RBM4: variants seen among roughly 807,000 people sequenced by gnomAD.
RBM4 encodes RNA binding motif protein 4.
RBM4 carries 7 observed loss-of-function variants against 29.5 expected under a neutral mutation model. The ratio of observed to expected loss-of-function variants is 0.24; its 90% CI spans 0.14 to 0.45. The LOEUF (loss-of-function observed/expected upper bound fraction) is 0.45. Among genes scored for constraint, RBM4 ranks in the 20% least tolerant of loss-of-function variants. The pLI, the probability that RBM4 is intolerant of heterozygous loss-of-function variation, is 1.00. For missense variants in RBM4, 387 were observed against 502.3 expected (o/e 0.77, Z 2.19); for synonymous variants, 220 against 205.4 (o/e 1.07, Z -0.61).
At position 66,643,844 on chromosome 11, in the gene RBM4, C is replaced by A. The variant is rs763179363; in HGVS notation, c.807C>A (p.Leu269=). The A allele has an allele frequency of 1.2e-6, 2 of 1,613,940 alleles. No homozygotes were observed. The highest frequency in any genetic ancestry group is 2.2e-5 in the East Asian group (1 of 44,852). The part of the protein sequence containing the change: ...AMASHLTSTS[L]DPYDRHLLPT... ...CCAGTCACCTCACCTCCACCTCTCT[C>A]GATCCCTACGATAGACACCTGTTGC... is the stretch of plus-strand genomic sequence containing the variant. Residue 269 remains leucine (L), a synonymous_variant, in exon 3 of 4, where the codon CTC becomes CTA. Transcript: ENST00000310092. The surrounding 1 kb of genome is among the most constrained non-coding windows in gnomAD (Gnocchi z 6.1).
chr11:66,650,439 TG>T (rs945603113), downstream of RBM4, among the ~76,000 whole-genome samples: 6 of 151,964 alleles, frequency 3.9e-5, no homozygotes, highest in Non-Finnish European at 7.4e-5. Context: ...GGCATGGTGG[TG>T]GGCACCTGTA....
rs191660410 is a variant in RBM4, at chr11:66,653,448, G to A, written c.413-12408G>A. On this transcript the variant is annotated intron_variant, in intron 2 of 2. Coordinates refer to the RBM4 transcript ENST00000396053. The stretch of plus-strand genomic sequence containing the variant: ...GCGATCTCGGCTCACTGCAACCTCT[G>A]CTTCTTGGGTCCAAGCAAATCTCCT... Among the ~76,000 whole-genome samples the A allele has an allele frequency of 4.8e-3, 713 of 147,142 alleles. 5 individuals are homozygous for A. The highest frequency in any genetic ancestry group is 0.017 in the African/African-American group (667 of 39,630).
chr11:66,655,072 G>T (rs1938919544), intron 2 of RBM4, among the ~76,000 whole-genome samples: 1 of 151,532 alleles, frequency 6.6e-6, no homozygotes, highest in Non-Finnish European at 1.5e-5. Context: ...TGCAACCTCT[G>T]CCTCCTAGGT....
At chr11:66,660,351 C>CTTCTT (rs752585464) in intron 2 of RBM4, among the ~76,000 whole-genome samples, 2 of 127,572 alleles carry the variant, frequency 1.6e-5, no homozygotes, top group Non-Finnish European at 3.4e-5. Flanking sequence ...GGGAGTCTCT[C>CTTCTT]TTTTTTTTTT....
rs758165228 is a variant in RBM4 at position 66,654,911 on chromosome 11, G to A, written c.413-10945G>A. On this transcript the variant is annotated intron_variant, in intron 2 of 2. Transcript: ENST00000396053. ...GCCATTTCGGCTCACTACAACGTCC[G>A]CCTCCCAGGTTCAAGTGATTCTTCT... Among the ~76,000 whole-genome samples the A allele has an allele frequency of 8.6e-5, 13 of 151,264 alleles. No homozygotes were observed. The East Asian group carries it at 1.4e-3, about 16-fold the overall frequency.
intron 2 of RBM4, among the ~76,000 whole-genome samples, chr11:66,663,451 G>A (rs546135685): frequency 1.8e-4 from 28 of 152,134 alleles, no homozygotes; most frequent in Non-Finnish European, 7.4e-5. Context: ...TGCAACCTCT[G>A]CCTCCTTGGT....
chr11:66,644,349 T>TG, intron 3 of RBM4: 1 of 658,608 alleles, frequency 1.5e-6, no homozygotes, highest in Non-Finnish European at 2.4e-6. Flanking sequence ...TCAGGGCTTC[T>TG]GGTAGTGGGA....
At chr11:66,652,693 A>G (rs550539559) in intron 2 of RBM4, among the ~76,000 whole-genome samples, 1 of 152,274 alleles carries the variant, frequency 6.6e-6, no homozygotes, top group South Asian at 2.1e-4. Flanking sequence ...TGGCAGGTAA[A>G]TAGCACCCTT....
chr11:66,643,500 G>A lies in RBM4; in HGVS notation c.463G>A (p.Gly155Arg), dbSNP rs1938558399. The A allele has an allele frequency of 3.7e-6, 6 of 1,613,828 alleles. No individual in the cohort carries two copies. Among genetic ancestry groups the A allele is most frequent in the Admixed American group, 3.3e-5 (2 of 59,990 alleles). ...CACCAGCCGGCTTAGGACTGCGCCC[G>A]GGATGGGAGACCAGAGCGGCTGCTA... is the stretch of plus-strand genomic sequence containing the variant. ...LSTSRLRTAPGMGDQSGCYRC... is the reference protein window; with the variant it reads ...LSTSRLRTAPRMGDQSGCYRC... Residue 155 changes from glycine to arginine, a missense_variant, in exon 3 of 4, where the codon GGG becomes AGG. By Grantham distance (125) the Gly-to-Arg change is moderately radical (BLOSUM62 -2). Around this residue, in one of 2 missense-constraint regions of RBM4, gnomAD observed 106 missense variants for 213.6 expected, o/e 0.50. Coordinates refer to ENST00000310092, the MANE Select transcript of RBM4 (RefSeq NM_002896.4). The surrounding 1 kb of genome is among the most constrained non-coding windows in gnomAD (Gnocchi z 6.1).
chr11:66,651,669 C>G (rs541390874), intron 2 of RBM4, among the ~76,000 whole-genome samples: 74 of 152,050 alleles, frequency 4.9e-4, no homozygotes, highest in African/African-American at 1.7e-3. Context: ...TTTTTTAGTC[C>G]GTTTGAGGTG....
chr11:66,648,661 T>A (rs1938760396), downstream of RBM4, among the ~76,000 whole-genome samples: 1 of 151,718 alleles, frequency 6.6e-6, no homozygotes, highest in Non-Finnish European at 1.5e-5. Context: ...CTGAAAAATA[T>A]AAGTTAGCCG....
chr11:66,646,139 C>A lies in RBM4; in HGVS notation c.*121C>A. The A allele has an allele frequency of 6.5e-7, 1 of 1,531,266 alleles. No homozygotes were observed. The highest frequency in any genetic ancestry group is 1.4e-5 in the African/African-American group (1 of 73,042). 94.9% of individuals were successfully genotyped at this position (1,531,266 alleles called of 1,614,324 possible). ...CTCTGTGCGTTCAGTCCCTCAGGAA[C>A]CGTGGACCTTAATTTACCTTGCTAA... On this transcript the variant is annotated 3_prime_UTR_variant, in exon 4 of 4. Transcript: ENST00000310092.
At chr11:66,665,776 T>A in intron 2 of RBM4, 2 of 1,336,492 alleles carry the variant, frequency 1.5e-6, no homozygotes, top group Non-Finnish European at 2.0e-6. Flanking sequence ...AATCCACTTA[T>A]GGCTATATAT....
chr11:66,663,080 A>T (rs1475834470), intron 2 of RBM4, among the ~76,000 whole-genome samples: 1 of 152,236 alleles, frequency 6.6e-6, no homozygotes, highest in African/African-American at 2.4e-5. Flanking sequence ...AAAATTTCAC[A>T]TGTAGTCAGA....
downstream of RBM4, among the ~76,000 whole-genome samples, chr11:66,647,589 A>AT (rs1938728224): frequency 6.6e-6 from 1 of 152,056 alleles, no homozygotes; most frequent in Non-Finnish European, 1.5e-5. Context: ...CTTTTTCTCT[A>AT]AAGGACAGAC....
chr11:66,655,568 T>C (rs1442768782), intron 2 of RBM4, among the ~76,000 whole-genome samples: 1 of 152,104 alleles, frequency 6.6e-6, no homozygotes, highest in East Asian at 1.9e-4. Flanking sequence ...GAATGAGCCA[T>C]TGCACCCGGC....
chr11:66,662,318 G>A (rs1379668777), intron 2 of RBM4, among the ~76,000 whole-genome samples: 1 of 152,158 alleles, frequency 6.6e-6, no homozygotes, highest in Non-Finnish European at 1.5e-5. Flanking sequence ...TGCCAGGAGT[G>A]TTATTGGGCA....
chr11:66,648,142 G>T, downstream of RBM4, among the ~76,000 whole-genome samples: 1 of 152,084 alleles, frequency 6.6e-6, no homozygotes, highest in East Asian at 1.9e-4. Flanking sequence ...GGAGGCAGAG[G>T]TTGCAGTGAG....
At chr11:66,641,677 G>T (rs1402380697) in intron 2 of RBM4, among the ~76,000 whole-genome samples, 1 of 152,074 alleles carries the variant, frequency 6.6e-6, no homozygotes, top group Non-Finnish European at 1.5e-5. Flanking sequence ...CTGAACCCTA[G>T]GTCCCCTGAC....
Sources: allele counts gnomAD v4.1 joint callset (sites outside exome capture counted in the v4.1 genomes callset), GRCh38; gene constraint gnomAD v4.1.1; regional missense constraint gnomAD v4.1.1; non-coding constraint Gnocchi (gnomAD v3.1); transcripts MANE v1.5; gene names NCBI Gene and HGNC (gene_info 2026-07-23, HGNC 2026-07-21).